PAK5: variants seen among roughly 807,000 people sequenced by gnomAD.
PAK5 encodes p21 (RAC1) activated kinase 5.
PAK5 carries 16 observed loss-of-function variants against 65.9 expected under a neutral mutation model. The ratio of observed to expected loss-of-function variants is 0.24; its 90% CI spans 0.16 to 0.37. PAK5 has a LOEUF of 0.37. Ranked by LOEUF, PAK5 falls within the 10% of genes least tolerant of loss-of-function variation. The pLI, the probability that PAK5 is intolerant of heterozygous loss-of-function variation, is 1.00. For missense variants in PAK5, 785 were observed against 903.9 expected (o/e 0.87, Z 1.69); for synonymous variants, 371 against 354.9 (o/e 1.05, Z -0.51).
At position 9,747,288 on chromosome 20, in the gene PAK5, C is replaced by A. The variant is rs566661181; in HGVS notation, c.-161-35853G>T. ...GGAACTGGTACCATTCCTTCTGAAA[C>A]TATTCCAGTCAATAGAAAAAGAGGG... On this transcript the variant is annotated intron_variant, in intron 1 of 9. Coordinates refer to ENST00000353224, the MANE Select transcript of PAK5 (RefSeq NM_177990.4). Among the ~76,000 whole-genome samples the A allele has an allele frequency of 7.9e-4, 120 of 152,220 alleles. 1 individual carries two copies. The highest frequency in any genetic ancestry group is 2.6e-3 in the African/African-American group (109 of 41,524).
chr20:9,646,653 C>A (rs1030399725), intron 2 of PAK5, among the ~76,000 whole-genome samples: 34 of 152,326 alleles, frequency 2.2e-4, no homozygotes, highest in African/African-American at 7.9e-4. Flanking sequence ...AAGGAGGACT[C>A]TCCCACACTG....
chr20:9,599,054 C>T (rs1472965556), intron 3 of PAK5, among the ~76,000 whole-genome samples: 2 of 152,148 alleles, frequency 1.3e-5, no homozygotes, highest in East Asian at 1.9e-4. Flanking sequence ...CTGGTAACCT[C>T]GAATCTACTT....
chr20:9,720,680 T>C (rs1053616729), intron 1 of PAK5, among the ~76,000 whole-genome samples: 7 of 152,122 alleles, frequency 4.6e-5, no homozygotes, highest in East Asian at 1.9e-4. Context: ...CTATTCATAA[T>C]AGCCAAAAGG....
intron 1 of PAK5, among the ~76,000 whole-genome samples, chr20:9,725,024 C>T (rs1322793238): frequency 6.6e-6 from 1 of 152,084 alleles, no homozygotes; most frequent in Non-Finnish European, 1.5e-5. Flanking sequence ...AATATATACA[C>T]TAACTACATA....
chr20:9,618,704 C>G (rs548961923), intron 3 of PAK5, among the ~76,000 whole-genome samples: 11 of 151,434 alleles, frequency 7.3e-5, no homozygotes, highest in Non-Finnish European at 2.9e-5. Flanking sequence ...TGAGCCACTG[C>G]GCCCGGCTGG....
At chr20:9,715,199 GA>G (rs1365293830) in intron 1 of PAK5, among the ~76,000 whole-genome samples, 1 of 151,894 alleles carries the variant, frequency 6.6e-6, no homozygotes, top group Non-Finnish European at 1.5e-5. Flanking sequence ...AAATTTACAA[GA>G]AAAAAACAAA....
intron 3 of PAK5, among the ~76,000 whole-genome samples, chr20:9,606,760 T>A (rs2046462381): frequency 6.6e-6 from 1 of 152,188 alleles, no homozygotes; most frequent in African/African-American, 2.4e-5. Context: ...ATGTGTTTCC[T>A]TTGTGAAAAT....
At chr20:9,749,220 A>ATTAATTT (rs2048546057) in intron 1 of PAK5, among the ~76,000 whole-genome samples, 1 of 152,132 alleles carries the variant, frequency 6.6e-6, no homozygotes, top group Non-Finnish European at 1.5e-5. Flanking sequence ...CTTGGCAGTA[A>ATTAATTT]TTAATTTTTG....
At chr20:9,837,114 T>C (rs1979209486) in intron 1 of PAK5, among the ~76,000 whole-genome samples, 1 of 152,198 alleles carries the variant, frequency 6.6e-6, no homozygotes, top group South Asian at 2.1e-4. Flanking sequence ...TGCAGAGACC[T>C]AGTACAATCT....
rs141464873 is a variant in PAK5, at chr20:9,613,946, CA to C, written c.204+30178del. 7.6e-3 allele frequency among the ~76,000 whole-genome samples: 1,155 copies of C among 152,252 alleles called. 22 individuals are homozygous for C. The highest frequency in any genetic ancestry group is 0.026 in the African/African-American group (1,081 of 41,538). ...CCAGTGCATCACATCTGGCTATCAA[CA>C]AACAATCACAAGGCATAAAAAAAGG... is the stretch of plus-strand genomic sequence containing the variant. On this transcript the variant is annotated intron_variant, in intron 3 of 9. Transcript: ENST00000353224.
intron 2 of PAK5, among the ~76,000 whole-genome samples, chr20:9,658,418 G>T (rs1397544016): frequency 6.6e-6 from 1 of 152,134 alleles, no homozygotes; most frequent in Non-Finnish European, 1.5e-5. Context: ...GTGGTATCAG[G>T]GTTCTGAGAG....
At chr20:9,797,698 A>G (rs978245276) in intron 1 of PAK5, among the ~76,000 whole-genome samples, 2 of 150,240 alleles carry the variant, frequency 1.3e-5, no homozygotes, top group African/African-American at 5.0e-5. Context: ...AAGAAAAAAT[A>G]AAATAAAATA....
At chr20:9,783,171 G>C (rs535876471) in intron 1 of PAK5, among the ~76,000 whole-genome samples, 2 of 151,904 alleles carry the variant, frequency 1.3e-5, no homozygotes, top group African/African-American at 4.8e-5. Context: ...CCCGACCTCC[G>C]GTGATGCACC....
intron 1 of PAK5, among the ~76,000 whole-genome samples, chr20:9,728,941 C>T (rs2048305637): frequency 6.6e-6 from 1 of 151,892 alleles, no homozygotes; most frequent in Non-Finnish European, 1.5e-5. Flanking sequence ...TAGTATTGTG[C>T]CAATTTAAAA....
chr20:9,591,469 A>G (rs1346723275), intron 3 of PAK5, among the ~76,000 whole-genome samples: 1 of 152,146 alleles, frequency 6.6e-6, no homozygotes, highest in Non-Finnish European at 1.5e-5. Context: ...AAAGCTTTTT[A>G]AAGAAAGGAT....
At chr20:9,664,840 AC>A (rs1433791412) in intron 2 of PAK5, among the ~76,000 whole-genome samples, 3 of 152,088 alleles carry the variant, frequency 2.0e-5, no homozygotes, top group African/African-American at 7.2e-5. Context: ...TGCTGCCTTG[AC>A]CCATAAATGT....
intron 1 of PAK5, chr20:9,784,286 G>T (rs775939817): frequency 4.6e-5 from 7 of 152,184 alleles, no homozygotes; most frequent in Non-Finnish European, 8.8e-5. Context: ...TAGCTTCAAA[G>T]ATAAGAGGAA....
chr20:9,721,677 A>T (rs2048216572), intron 1 of PAK5, among the ~76,000 whole-genome samples: 1 of 150,482 alleles, frequency 6.6e-6, no homozygotes, highest in South Asian at 2.1e-4. Context: ...AAAAAAAAAA[A>T]AAAAAGAATG....
chr20:9,623,640 A>T (rs1356489335), intron 3 of PAK5, among the ~76,000 whole-genome samples: 1 of 152,222 alleles, frequency 6.6e-6, no homozygotes, highest in Non-Finnish European at 1.5e-5. Flanking sequence ...AGATAGGTAC[A>T]AACAAAGAGA....
Sources: allele counts gnomAD v4.1 joint callset (sites outside exome capture counted in the v4.1 genomes callset), GRCh38; gene constraint gnomAD v4.1.1; transcripts MANE v1.5; gene names NCBI Gene and HGNC (gene_info 2026-07-23, HGNC 2026-07-21).